The following BLTP3B variants were observed in gnomAD, a reference collection of about 807,000 sequenced individuals.
BLTP3B encodes the protein bridge-like lipid transfer protein family member 3B, also known as UHRF1 (ICBP90) binding protein 1-like.
the BLTP3B span, among the ~76,000 whole-genome samples, chr12:100,083,851 T>C: frequency 6.6e-6 from 1 of 152,202 alleles, no homozygotes; most frequent in African/African-American, 2.4e-5. Context: ...CAAGCCTATG[T>C]TGGTCTGAGC....
the BLTP3B span, among the ~76,000 whole-genome samples, chr12:100,130,009 T>C: frequency 6.6e-6 from 1 of 152,188 alleles, no homozygotes; most frequent in South Asian, 2.1e-4. Flanking sequence ...CAGGCTAGAG[T>C]GCAGTGTGGC....
chr12:100,103,102 G>A, the BLTP3B span, among the ~76,000 whole-genome samples: 2 of 151,886 alleles, frequency 1.3e-5, no homozygotes, highest in Non-Finnish European at 2.9e-5. Context: ...GGTGTTGGGG[G>A]GTGGGGAATT....
the BLTP3B span, chr12:100,057,833 A>AT: frequency 1.5e-6 from 2 of 1,323,330 alleles, no homozygotes; most frequent in Non-Finnish European, 2.1e-6. Context: ...AAATATGTAT[A>AT]TAGCATCCAT....
the BLTP3B span, among the ~76,000 whole-genome samples, chr12:100,079,183 A>G: frequency 6.6e-6 from 1 of 152,348 alleles, no homozygotes; most frequent in South Asian, 2.1e-4. Flanking sequence ...ACTGCTGAAA[A>G]GATACCTGAA....
chr12:100,127,283 C>T, the BLTP3B span, among the ~76,000 whole-genome samples: 978 of 152,274 alleles, frequency 6.4e-3, 10 homozygotes, highest in African/African-American at 0.022. Flanking sequence ...AAGCTTGGCA[C>T]CTTTCCCTTG....
chr12:100,072,619 G>GA, the BLTP3B span: 14 of 1,381,974 alleles, frequency 1.0e-5, no homozygotes, highest in African/African-American at 1.8e-4. Context: ...ATATTAACAA[G>GA]AAAAAAATAC....
the BLTP3B span, among the ~76,000 whole-genome samples, chr12:100,065,889 C>T: frequency 6.6e-6 from 1 of 152,174 alleles, no homozygotes; most frequent in African/African-American, 2.4e-5. Flanking sequence ...CCTGTTCATA[C>T]ACCCCCTCCC....
chr12:100,041,091 A>T, the BLTP3B span, among the ~76,000 whole-genome samples: 1 of 152,238 alleles, frequency 6.6e-6, no homozygotes, highest in African/African-American at 2.4e-5. Flanking sequence ...ACCCAGCAAC[A>T]TACAAACATA....
the BLTP3B span, among the ~76,000 whole-genome samples, chr12:100,048,585 G>T: frequency 6.6e-6 from 1 of 151,986 alleles, no homozygotes; most frequent in African/African-American, 2.4e-5. Context: ...AGTAACAAAA[G>T]CCTGAGGTTT....
At chr12:100,116,033 G>T in the BLTP3B span, among the ~76,000 whole-genome samples, 180 of 152,128 alleles carry the variant, frequency 1.2e-3, no homozygotes, top group African/African-American at 4.2e-3. Flanking sequence ...TTAGCTGGGT[G>T]TGGTGGTGCA....
At chr12:100,127,332 T>A in the BLTP3B span, among the ~76,000 whole-genome samples, 4 of 152,214 alleles carry the variant, frequency 2.6e-5, no homozygotes, top group Non-Finnish European at 5.9e-5. Flanking sequence ...AATGAAAGCA[T>A]GGAATCAATG....
chr12:100,039,030 TA>T, the BLTP3B span, among the ~76,000 whole-genome samples: 1 of 152,194 alleles, frequency 6.6e-6, no homozygotes, highest in East Asian at 1.9e-4. Context: ...ACGGATCATC[TA>T]CTGCTGAATT....
the BLTP3B span, among the ~76,000 whole-genome samples, chr12:100,098,900 C>T: frequency 0.022 from 3,026 of 136,544 alleles, 45 homozygotes; most frequent in Non-Finnish European, 0.035. Context: ...CAGAGCAAGA[C>T]TCTGTCTAAA....
At chr12:100,073,384 G>A in the BLTP3B span, among the ~76,000 whole-genome samples, 1 of 143,500 alleles carries the variant, frequency 7.0e-6, no homozygotes, top group Non-Finnish European at 1.5e-5. Context: ...TTTTTTGGTA[G>A]AGACGGGGTT....
chr12:100,111,277 A>ATTTTTTTTTTT, the BLTP3B span, among the ~76,000 whole-genome samples: 4 of 94,772 alleles, frequency 4.2e-5, no homozygotes, highest in Admixed American at 3.5e-4. Flanking sequence ...GGGGTTTTAG[A>ATTTTTTTTTTT]TTTTTTTTTT....
At chr12:100,134,787 T>C in the BLTP3B span, among the ~76,000 whole-genome samples, 2 of 152,188 alleles carry the variant, frequency 1.3e-5, no homozygotes, top group East Asian at 1.9e-4. Context: ...CTCTGGATGG[T>C]CACCCATTAC....
the BLTP3B span, among the ~76,000 whole-genome samples, chr12:100,047,148 A>G: frequency 6.6e-6 from 1 of 152,232 alleles, no homozygotes; most frequent in Non-Finnish European, 1.5e-5. Flanking sequence ...AAGTGAAAAG[A>G]AACAATCAGT....
At chr12:100,078,993 C>T in the BLTP3B span, among the ~76,000 whole-genome samples, 1 of 152,180 alleles carries the variant, frequency 6.6e-6, no homozygotes, top group Non-Finnish European at 1.5e-5. Flanking sequence ...TGCCACCATC[C>T]ATGTAAGACA....
chr12:100,064,454 C>T, the BLTP3B span, among the ~76,000 whole-genome samples: 1 of 152,124 alleles, frequency 6.6e-6, no homozygotes, highest in Non-Finnish European at 1.5e-5. Context: ...GGAAATTCAT[C>T]ACAAAAAGAT....
Sources: gnomAD v4.1 joint callset for allele counts (sites outside exome capture counted in the v4.1 genomes callset) on GRCh38, gnomAD v4.1.1 for gene constraint, MANE v1.5 for transcripts, NCBI Gene and HGNC (gene_info 2026-07-23, HGNC 2026-07-21) for gene names.